TMEM132D: variants seen among roughly 807,000 people sequenced by gnomAD.
TMEM132D encodes the protein mature OL transmembrane protein.
A neutral mutation model predicts 62.3 loss-of-function variants in TMEM132D; 21 were observed. The ratio of observed to expected loss-of-function variants is 0.34; its 90% CI spans 0.24 to 0.49. The LOEUF (loss-of-function observed/expected upper bound fraction) is 0.49, where lower values mean the gene tolerates loss of function less well. Among genes scored for constraint, TMEM132D ranks in the 20% least tolerant of loss-of-function variants. The pLI is 0.99. For missense variants in TMEM132D, 1,346 were observed against 1,402.8 expected, an observed-to-expected ratio of 0.96 and a Z score of 0.65; for synonymous variants, 621 against 575.6, an observed-to-expected ratio of 1.08 and a Z score of -1.13.
At chr12:129,516,901 G>T (rs1368684266) in intron 3 of TMEM132D, among the ~76,000 whole-genome samples, 1 of 152,102 alleles carries the variant, frequency 6.6e-6, no homozygotes, top group South Asian at 2.1e-4. Context: ...AGTTTTAGAG[G>T]CTTCCACATT....
At chr12:129,425,846 G>A (rs998928218) in intron 3 of TMEM132D, among the ~76,000 whole-genome samples, 1 of 152,222 alleles carries the variant, frequency 6.6e-6, no homozygotes, top group African/African-American at 2.4e-5. Context: ...CTAATGTTTG[G>A]AAAAGTTGAG....
At chr12:129,107,794 C>A (rs905391146) in intron 5 of TMEM132D, among the ~76,000 whole-genome samples, 2 of 152,104 alleles carry the variant, frequency 1.3e-5, no homozygotes, top group Admixed American at 6.6e-5. Context: ...TCAAGCAATA[C>A]CCCCACCTCA....
rs147867598 is a variant in TMEM132D, at chr12:129,526,938, G to A, written c.1115+4121C>T. On this transcript the variant is annotated intron_variant, in intron 3 of 8. Transcript: ENST00000422113. ...CTGGAGAACTGCCATTCCAGCTGTG[G>A]CCAGCCTTAAGCTTCTTTTATGTGA... Among the ~76,000 whole-genome samples the A allele has an allele frequency of 2.0e-3, 298 of 152,314 alleles. 2 individuals carry two copies. Among genetic ancestry groups the A allele is most frequent in the African/African-American group, 6.9e-3 (288 of 41,576 alleles).
chr12:129,634,628 A>T (rs922761805), intron 2 of TMEM132D, among the ~76,000 whole-genome samples: 66 of 152,188 alleles, frequency 4.3e-4, no homozygotes, highest in Non-Finnish European at 1.5e-4. Flanking sequence ...TAAATTATTC[A>T]TGTGATCAAT....
intron 1 of TMEM132D, among the ~76,000 whole-genome samples, chr12:129,719,057 C>T (rs1038472034): frequency 2.8e-5 from 4 of 143,422 alleles, no homozygotes; most frequent in African/African-American, 5.3e-5. Context: ...GGAAACATGG[C>T]GAGACCTCCT....
chr12:129,268,428 G>GA (rs1880757066), intron 4 of TMEM132D, among the ~76,000 whole-genome samples: 1 of 152,168 alleles, frequency 6.6e-6, no homozygotes, highest in African/African-American at 2.4e-5. Context: ...AAAAACACAT[G>GA]AAAAAATGCT....
intron 4 of TMEM132D, among the ~76,000 whole-genome samples, chr12:129,244,241 C>T (rs1405829521): frequency 1.3e-5 from 2 of 151,786 alleles, no homozygotes; most frequent in African/African-American, 2.4e-5. Flanking sequence ...AAAAAATTAG[C>T]CGGGTGTGGT....
At chr12:129,860,116 C>G (rs1047292081) in intron 1 of TMEM132D, among the ~76,000 whole-genome samples, 1 of 152,316 alleles carries the variant, frequency 6.6e-6, no homozygotes, top group African/African-American at 2.4e-5. Context: ...TGAGAAGCAG[C>G]TGCCCCTAGA....
intron 1 of TMEM132D, among the ~76,000 whole-genome samples, chr12:129,759,151 C>T (rs2137273360): frequency 6.6e-6 from 1 of 152,184 alleles, no homozygotes. Context: ...CCAGGCTGGT[C>T]TCAAACTCCT....
chr12:129,516,181 C>A (rs1435902448), intron 3 of TMEM132D, among the ~76,000 whole-genome samples: 1 of 152,186 alleles, frequency 6.6e-6, no homozygotes, highest in African/African-American at 2.4e-5. Context: ...GACTTGGACT[C>A]AGACCCTGTG....
At chr12:129,399,690 G>A (rs868375726) in intron 3 of TMEM132D, among the ~76,000 whole-genome samples, 1 of 151,454 alleles carries the variant, frequency 6.6e-6, no homozygotes, top group Admixed American at 6.6e-5. Context: ...GAGAAAAAGT[G>A]GTTATAACAA....
At chr12:129,359,243 T>C (rs948533749) in intron 3 of TMEM132D, among the ~76,000 whole-genome samples, 4 of 151,928 alleles carry the variant, frequency 2.6e-5, no homozygotes, top group African/African-American at 4.8e-5. Flanking sequence ...AGACAGAAAG[T>C]ATATTTAGAG....
intron 3 of TMEM132D, among the ~76,000 whole-genome samples, chr12:129,460,306 C>A (rs1873620359): frequency 6.6e-6 from 1 of 152,176 alleles, no homozygotes; most frequent in South Asian, 2.1e-4. Context: ...TTCATTCACA[C>A]TTGAGAACTG....
At chr12:129,534,938 C>G (rs1229652986) in intron 2 of TMEM132D, among the ~76,000 whole-genome samples, 21 of 140,304 alleles carry the variant, frequency 1.5e-4, no homozygotes, top group Non-Finnish European at 1.5e-5. Context: ...CCCATCCAGT[C>G]CCTTCTTGTT....
intron 5 of TMEM132D, among the ~76,000 whole-genome samples, chr12:129,112,275 C>T (rs1246487056): frequency 1.3e-5 from 2 of 152,228 alleles, no homozygotes; most frequent in Non-Finnish European, 2.9e-5. Flanking sequence ...GCAGAATCCT[C>T]AGGCTTTGAG....
At chr12:129,764,680 C>A (rs758495695) in intron 1 of TMEM132D, among the ~76,000 whole-genome samples, 55 of 152,152 alleles carry the variant, frequency 3.6e-4, no homozygotes, top group Non-Finnish European at 7.1e-4. Context: ...GTAGGTTATA[C>A]CTGTATTCCC....
intron 5 of TMEM132D, among the ~76,000 whole-genome samples, chr12:129,195,849 A>G (rs542452163): frequency 1.9e-4 from 29 of 152,202 alleles, no homozygotes; most frequent in Non-Finnish European, 3.1e-4. Context: ...TACGGGGGCC[A>G]GGTGCAGTGG....
chr12:129,251,216 G>A (rs1329392764), intron 4 of TMEM132D, among the ~76,000 whole-genome samples: 1 of 151,890 alleles, frequency 6.6e-6, no homozygotes, highest in South Asian at 2.1e-4. Flanking sequence ...AAAATTAGCC[G>A]GGTGTGGTAG....
At chr12:129,143,027 C>G (rs759873858) in intron 5 of TMEM132D, among the ~76,000 whole-genome samples, 2 of 152,028 alleles carry the variant, frequency 1.3e-5, no homozygotes, top group South Asian at 4.1e-4. Flanking sequence ...TTCCCACCCC[C>G]CAAGCAGCAG....
Sources: gnomAD v4.1 joint callset for allele counts (sites outside exome capture counted in the v4.1 genomes callset) on GRCh38, gnomAD v4.1.1 for gene constraint, MANE v1.5 for transcripts, NCBI Gene and HGNC (gene_info 2026-07-23, HGNC 2026-07-21) for gene names.